Variants in CDKL4 observed in about 807,000 individuals in gnomAD.
CDKL4 encodes the protein cyclin-dependent kinase-like 4.
CDKL4 carries 44 observed loss-of-function variants against 42.0 expected under a neutral mutation model. That is an observed-to-expected ratio of 1.05 (90% CI 0.82 to 1.35). The LOEUF is 1.35. Among genes scored for constraint, CDKL4 ranks in the 40% most tolerant of loss-of-function variants. CDKL4 has a pLI of 0.00. For synonymous variants in CDKL4, 120 were observed against 121.6 expected (o/e 0.99, Z 0.09); for missense variants, 393 against 369.9 (o/e 1.06, Z -0.51).
chr2:39,245,229 A>G (rs929031322), upstream of CDKL4, among the ~76,000 whole-genome samples: 1 of 152,028 alleles, frequency 6.6e-6, no homozygotes, highest in African/African-American at 2.4e-5. Context: ...CTCACCGCGA[A>G]GATCTGCAGC....
intron 1 of CDKL4, among the ~76,000 whole-genome samples, chr2:39,240,677 T>TAAAAAA (rs768356807): frequency 5.7e-5 from 5 of 87,888 alleles, no homozygotes; most frequent in African/African-American, 8.8e-5. Context: ...AGATGAACAT[T>TAAAAAA]AAAAAAAAAA....
At chr2:39,197,060 C>T (rs994846222) in intron 5 of CDKL4, among the ~76,000 whole-genome samples, 4 of 151,836 alleles carry the variant, frequency 2.6e-5, no homozygotes, top group African/African-American at 9.7e-5. Context: ...TGAAGTCCAA[C>T]CTAAAGAAAT....
intron 9 of CDKL4, among the ~76,000 whole-genome samples, chr2:39,176,842 C>CT (rs1491499492): frequency 6.6e-6 from 1 of 150,898 alleles, no homozygotes; most frequent in Non-Finnish European, 1.5e-5. Context: ...AATGAAAAGA[C>CT]TTTTTTCTGT....
At chr2:39,228,973 G>T (rs761410049) in intron 2 of CDKL4, among the ~76,000 whole-genome samples, 6 of 152,202 alleles carry the variant, frequency 3.9e-5, no homozygotes, top group Non-Finnish European at 8.8e-5. Context: ...GCATGTCGAT[G>T]CCTACCAGGG....
chr2:39,184,661 T>C lies in CDKL4; in HGVS notation c.736-14A>G, dbSNP rs763529342. The C allele has an allele frequency of 6.3e-6, 10 of 1,592,990 alleles. No individual in the cohort carries two copies. The highest frequency in any genetic ancestry group is 8.6e-6 in the Non-Finnish European group (10 of 1,163,448). ...CTCAAGAGTTTCCTGAAAAACAAGGTTAAAACATTCAATATTACATAAGAA... is the reference window on the plus strand; with the variant it reads ...CTCAAGAGTTTCCTGAAAAACAAGGCTAAAACATTCAATATTACATAAGAA... On this transcript the variant is annotated splice_polypyrimidine_tract_variant and intron_variant, in intron 7 of 9. Coordinates refer to ENST00000451199, the Ensembl canonical transcript of CDKL4.
At chr2:39,245,667 A>T (rs1679884035), upstream of CDKL4, among the ~76,000 whole-genome samples, 2 of 152,216 alleles carry the variant, frequency 1.3e-5, no homozygotes, top group African/African-American at 4.8e-5. Context: ...TTCCCAAGGC[A>T]TCGAGAGCAC....
intron 8 of CDKL4, among the ~76,000 whole-genome samples, chr2:39,183,750 T>G (rs971317527): frequency 6.6e-6 from 1 of 151,974 alleles, no homozygotes; most frequent in African/African-American, 2.4e-5. Flanking sequence ...GGCAGTAAGA[T>G]AGGGTAGATG....
In CDKL4 at chr2:39,184,637, T is replaced by C. The variant is rs140565939; in HGVS notation, c.746A>G (p.Glu249Gly). 47 of 1,610,922 alleles carry C rather than the reference T, an allele frequency of 2.9e-5. No homozygotes were observed. The highest frequency in any genetic ancestry group is 3.6e-5 in the Non-Finnish European group (43 of 1,178,386). ...AGGATGAACATCTGAGAACTTTTCC[T>C]CAAGAGTTTCCTGAAAAACAAGGTT... The change falls in exon 8 of 10, where the codon GAG becomes GGG. Residue 249 changes from glutamate (E) to glycine (G), a missense_variant. Glu to Gly is a moderately conservative substitution (Grantham distance 98). Transcript: ENST00000451199.
At chr2:39,191,514 G>T (rs1676183650) in intron 5 of CDKL4, among the ~76,000 whole-genome samples, 1 of 152,212 alleles carries the variant, frequency 6.6e-6, no homozygotes, top group Non-Finnish European at 1.5e-5. Context: ...AGAATTGTGA[G>T]AAAATAGATT....
chr2:39,179,215 T>C (rs568631382), exon 9 of CDKL4: 1 of 1,612,544 alleles, frequency 6.2e-7, no homozygotes, highest in South Asian at 1.1e-5. Context: ...TCTTCCTTCA[T>C]TACGTGCTTT....
At chr2:39,206,924 A>G (rs559016787) in intron 4 of CDKL4, among the ~76,000 whole-genome samples, 12 of 152,336 alleles carry the variant, frequency 7.9e-5, no homozygotes, top group Middle Eastern at 3.4e-3. Flanking sequence ...GAAGAGAAAA[A>G]GAGCTGAGCC....
intron 1 of CDKL4, among the ~76,000 whole-genome samples, chr2:39,242,360 T>C (rs1679704397): frequency 1.3e-5 from 2 of 152,334 alleles, no homozygotes; most frequent in Admixed American, 6.5e-5. Flanking sequence ...TTATTTTTCA[T>C]AGTCATCTTT....
At chr2:39,201,936 G>A (rs1676878168) in intron 5 of CDKL4, among the ~76,000 whole-genome samples, 1 of 152,092 alleles carries the variant, frequency 6.6e-6, no homozygotes, top group Non-Finnish European at 1.5e-5. Flanking sequence ...CACCACCAAA[G>A]AACTTATTCA....
intron 1 of CDKL4, among the ~76,000 whole-genome samples, chr2:39,238,305 C>A (rs935433513): frequency 6.6e-6 from 1 of 152,100 alleles, no homozygotes; most frequent in Admixed American, 6.6e-5. Context: ...TAGTGGCCCT[C>A]GCCTGTGGTC....
chr2:39,213,628 C>G (rs935089179), intron 3 of CDKL4, among the ~76,000 whole-genome samples, 156 bp from the exon 4 acceptor site: 1 of 151,934 alleles, frequency 6.6e-6, no homozygotes, highest in African/African-American at 2.4e-5. Context: ...TTGGGCTTTA[C>G]TATCTTTTTA....
the CDKL4 span, among the ~76,000 whole-genome samples, chr2:39,170,519 C>T: frequency 2.6e-4 from 39 of 152,014 alleles, no homozygotes; most frequent in Non-Finnish European, 4.7e-4. Context: ...TGCAAAGGCA[C>T]GATCTTGGCT....
At chr2:39,243,639 C>A (rs905220745) in intron 1 of CDKL4, among the ~76,000 whole-genome samples, 4 of 152,238 alleles carry the variant, frequency 2.6e-5, no homozygotes, top group East Asian at 1.9e-4. Context: ...GCCGCCCACT[C>A]CCTGGGCAGC....
chr2:39,201,303 A>AT (rs1244544445), intron 5 of CDKL4, among the ~76,000 whole-genome samples: 1 of 58,586 alleles, frequency 1.7e-5, no homozygotes, highest in Non-Finnish European at 6.7e-5. Flanking sequence ...AACCAAAAAA[A>AT]TAAAAAAAAA....
intron 1 of CDKL4, among the ~76,000 whole-genome samples, chr2:39,237,903 T>C (rs1216775070): frequency 6.6e-6 from 1 of 152,044 alleles, no homozygotes; most frequent in Non-Finnish European, 1.5e-5. Flanking sequence ...CATCTTTTTA[T>C]ATAATGGCAA....
Sources: gnomAD v4.1 joint callset for allele counts (sites outside exome capture counted in the v4.1 genomes callset) on GRCh38, gnomAD v4.1.1 for gene constraint, MANE v1.5 for transcripts, NCBI Gene and HGNC (gene_info 2026-07-23, HGNC 2026-07-21) for gene names.